Variants in KIAA0586 observed in about 807,000 individuals in gnomAD.
The protein encoded by KIAA0586 is protein TALPID3.
KIAA0586 carries 144 observed loss-of-function variants against 169.8 expected under a neutral mutation model. The ratio of observed to expected loss-of-function variants is 0.85; its 90% CI spans 0.74 to 0.97. The LOEUF is 0.97. Among genes scored for constraint, KIAA0586 ranks in the 50% least tolerant of loss-of-function variants. The pLI, the probability that KIAA0586 is intolerant of heterozygous loss-of-function variation, is 0.00. For synonymous variants in KIAA0586, 625 were observed against 612.4 expected (o/e 1.02, Z -0.30); for missense variants, 1,854 against 1,823.0 (o/e 1.02, Z -0.31).
intron 20 of KIAA0586, among the ~76,000 whole-genome samples, chr14:58,479,394 A>T (rs2041876193): frequency 6.6e-6 from 1 of 152,168 alleles, no homozygotes; most frequent in Non-Finnish European, 1.5e-5. Context: ...CTGAGTATGA[A>T]GTTTTTTATC....
chr14:58,547,936 G>A lies in KIAA0586; in HGVS notation c.*4G>A. 5.0e-6 allele frequency: 8 copies of A among 1,613,030 alleles called. No homozygotes were observed. Among genetic ancestry groups the A allele is most frequent in the Non-Finnish European group, 6.8e-6 (8 of 1,179,444 alleles). ...TTCGGGGGCAGATACCTTCTGAACG[G>A]GAAGAGACAGCCAGCACAGTGTTTA... On this transcript the variant is annotated 3_prime_UTR_variant, in exon 31 of 31. Coordinates refer to ENST00000652326, the MANE Select transcript of KIAA0586 (RefSeq NM_001329943.3).
Position 58,444,915 on chromosome 14 carries a change from GAAAAAAAAAAAAAA to G in KIAA0586, c.807+754_807+767del, listed in dbSNP as rs869127762. On this transcript the variant is annotated intron_variant, in intron 6 of 30. Transcript: ENST00000652326. ...GATGTAGCAAGACCTCATCTCTTAG[GAAAAAAAAAAAAAA>G]AAAAAAAAAAAAATTTAGCCTGGCA... 6.3e-5 allele frequency among the ~76,000 whole-genome samples: 7 copies of G among 111,950 alleles called. 1 individual carries two copies. The highest frequency in any genetic ancestry group is 6.4e-4 in the South Asian group (2 of 3,146). The allele number at this position is 111,950 out of a possible 152,430, so 73.4% of individuals were successfully genotyped here.
chr14:58,473,113 C>T (rs913877626), intron 18 of KIAA0586, among the ~76,000 whole-genome samples: 1 of 151,268 alleles, frequency 6.6e-6, no homozygotes, highest in Admixed American at 6.6e-5. Flanking sequence ...GACAAGTGTT[C>T]CTGTATTAGC....
In KIAA0586 at chr14:58,548,158, G is replaced by C; in HGVS notation, c.*226G>C. ...TGTGAGTTGTTTCTTAGAATCCTGA[G>C]ATAGCATAGAGTAGTGAAAGGGCAT... On this transcript the variant is annotated 3_prime_UTR_variant, in exon 31 of 31. Transcript: ENST00000652326. 4 of 483,672 alleles carry C rather than the reference G, an allele frequency of 8.3e-6. No homozygotes were observed. Among genetic ancestry groups the C allele is most frequent in the Non-Finnish European group, 1.1e-5 (3 of 279,994 alleles). 30.0% of individuals were successfully genotyped at this position (483,672 alleles called of 1,614,324 possible).
chr14:58,478,702 C>G (rs576253977), intron 20 of KIAA0586, among the ~76,000 whole-genome samples: 2 of 152,284 alleles, frequency 1.3e-5, no homozygotes, highest in African/African-American at 4.8e-5. Flanking sequence ...TCTGTCTTCT[C>G]CAAAAGCTTC....
rs916092251 is a variant in KIAA0586, at chr14:58,549,008, C to T, written c.*1076C>T. 2.0e-5 allele frequency: 3 copies of T among 151,994 alleles called. No individual in the cohort carries two copies. The highest frequency in any genetic ancestry group is 7.3e-5 in the African/African-American group (3 of 41,338). 9.4% of individuals were successfully genotyped at this position (151,994 alleles called of 1,614,324 possible). ...TAGTGCCCAGCACAGTGCTTGATAC[C>T]ATGTAAGTGCTCAATAAATGGTGTT... is the stretch of plus-strand genomic sequence containing the variant. On this transcript the variant is annotated 3_prime_UTR_variant, in exon 31 of 31. Coordinates refer to ENST00000652326, the MANE Select transcript of KIAA0586 (RefSeq NM_001329943.3).
At chr14:58,545,868 C>T (rs963965853) in intron 30 of KIAA0586, among the ~76,000 whole-genome samples, 6 of 151,466 alleles carry the variant, frequency 4.0e-5, no homozygotes, top group Non-Finnish European at 7.4e-5. Flanking sequence ...CCTCCCTCTA[C>T]AAAAAATTTT....
intron 9 of KIAA0586, among the ~76,000 whole-genome samples, chr14:58,456,329 A>C (rs1185823601): frequency 6.6e-6 from 1 of 152,092 alleles, no homozygotes; most frequent in Non-Finnish European, 1.5e-5. Flanking sequence ...AGGTTAGAAA[A>C]ACTTGATTTT....
At chr14:58,510,092 T>C (rs1220009934) in intron 28 of KIAA0586, among the ~76,000 whole-genome samples, 1 of 152,198 alleles carries the variant, frequency 6.6e-6, no homozygotes. Flanking sequence ...GATTCTTAGC[T>C]GGGCGTGGTG....
At chr14:58,443,681 C>G (rs1263160901) in intron 5 of KIAA0586, among the ~76,000 whole-genome samples, 2 of 152,124 alleles carry the variant, frequency 1.3e-5, no homozygotes, top group Admixed American at 1.3e-4. Flanking sequence ...CCTTGGCCTC[C>G]CAAAGTGCTG....
In KIAA0586 at chr14:58,521,477, A is replaced by G; in HGVS notation, c.4429+8850A>G. 3.9e-6 allele frequency: 3 copies of G among 759,962 alleles called. No homozygotes were observed. In the South Asian group the frequency reaches 4.0e-5, roughly 10 times the overall value. The allele number at this position is 759,962 out of a possible 1,614,324, so 47.1% of individuals were successfully genotyped here. On this transcript the variant is annotated intron_variant, in intron 29 of 30. Transcript: ENST00000652326. ...TTGGACCATGACTTTCAACGGGATT[A>G]TTATGATAGGATGTACAGTTACCCA...
chr14:58,480,749 A>G (rs1176256831), intron 20 of KIAA0586, among the ~76,000 whole-genome samples: 2 of 152,108 alleles, frequency 1.3e-5, no homozygotes, highest in African/African-American at 4.8e-5. Flanking sequence ...TTATTGTTGC[A>G]TTTGGCTAAT....
Position 58,537,174 on chromosome 14 carries a change from G to A in KIAA0586, c.4430-2897G>A, listed in dbSNP as rs187705354. On this transcript the variant is annotated intron_variant, in intron 29 of 30. Coordinates refer to ENST00000652326, the MANE Select transcript of KIAA0586 (RefSeq NM_001329943.3). ...TAAATCAACAAGTGAGAATTATGAA[G>A]CCACTTACTTGTTATAAGAATAAAA... 3.6e-4 allele frequency: 384 copies of A among 1,054,672 alleles called. 3 individuals carry two copies. The Middle Eastern group carries it at 4.5e-3, about 12-fold the overall frequency. 65.3% of individuals were successfully genotyped at this position (1,054,672 alleles called of 1,614,324 possible).
intron 17 of KIAA0586, among the ~76,000 whole-genome samples, chr14:58,471,417 A>T (rs1459304133): frequency 1.3e-5 from 2 of 152,352 alleles, no homozygotes; most frequent in Non-Finnish European, 2.9e-5. Flanking sequence ...ATGATACAAA[A>T]ATATGCATTT....
intron 27 of KIAA0586, among the ~76,000 whole-genome samples, chr14:58,501,429 T>G (rs2043562443): frequency 6.6e-6 from 1 of 152,214 alleles, no homozygotes; most frequent in African/African-American, 2.4e-5. Flanking sequence ...CTCTCGCAGA[T>G]CACTTGAACT....
chr14:58,537,894 A>G (rs1177582555), intron 29 of KIAA0586, among the ~76,000 whole-genome samples: 14 of 152,004 alleles, frequency 9.2e-5, no homozygotes, highest in Non-Finnish European at 1.9e-4. Context: ...TGATCTTCCC[A>G]CCTTGGCCTC....
At chr14:58,474,393 TA>T (rs1163828220) in intron 18 of KIAA0586, among the ~76,000 whole-genome samples, 1 of 152,230 alleles carries the variant, frequency 6.6e-6, no homozygotes, top group African/African-American at 2.4e-5. Context: ...TATTGGGTTC[TA>T]AAAAGACAAA....
chr14:58,448,038 C>T (rs140523939), intron 6 of KIAA0586, among the ~76,000 whole-genome samples: 321 of 152,168 alleles, frequency 2.1e-3, no homozygotes, highest in African/African-American at 7.1e-3. Flanking sequence ...TTCTCTTAGC[C>T]GGCTGCAATG....
Position 58,428,202 on chromosome 14 carries a change from T to C in KIAA0586, c.-63T>C. 6.4e-7 allele frequency: 1 copy of C among 1,553,014 alleles called. No homozygotes were observed. The highest frequency in any genetic ancestry group is 8.7e-7 in the Non-Finnish European group (1 of 1,151,370). On this transcript the variant is annotated 5_prime_UTR_variant, in exon 1 of 31. Transcript: ENST00000652326. ...AAGAGGTGAAAATTTTGTTCTGAAG[T>C]CTTAAGGAAACAGAGAAAGTTTTTC...
Sources: gnomAD v4.1 joint callset for allele counts (sites outside exome capture counted in the v4.1 genomes callset) on GRCh38, gnomAD v4.1.1 for gene constraint, MANE v1.5 for transcripts, NCBI Gene and HGNC (gene_info 2026-07-23, HGNC 2026-07-21) for gene names.